HUNK: variants seen among roughly 807,000 people sequenced by gnomAD.
HUNK encodes hormonally up-regulated Neu-associated kinase, also known as hormonally up-regulated neu tumor-associated kinase.
A neutral mutation model predicts 61.0 loss-of-function variants in HUNK; 21 were observed. The ratio of observed to expected loss-of-function variants is 0.34; its 90% confidence interval spans 0.24 to 0.50. HUNK has a LOEUF of 0.50. Among genes scored for constraint, HUNK ranks in the 20% least tolerant of loss-of-function variants. HUNK has a pLI of 0.98. For missense variants in HUNK, 772 were observed against 945.7 expected (o/e 0.82, Z 2.41); for synonymous variants, 371 against 386.1 (o/e 0.96, Z 0.46).
intron 7 of HUNK, among the ~76,000 whole-genome samples, chr21:31,977,629 A>T (rs1106543): frequency 0.72 from 109,239 of 152,140 alleles, 40,196 homozygotes; most frequent in African/African-American, 0.88. Context: ...TCTTAAACAA[A>T]TACATAGCTC....
At chr21:31,897,644 G>A (rs142445115) in intron 1 of HUNK, among the ~76,000 whole-genome samples, 8 of 152,246 alleles carry the variant, frequency 5.3e-5, no homozygotes, top group Non-Finnish European at 1.0e-4. Flanking sequence ...CATCTTTTGC[G>A]GGGACAGAAT....
Position 31,895,960 on chromosome 21 carries a change from A to C in HUNK, c.261+22025A>C, listed in dbSNP as rs149801885. 3.3e-3 allele frequency among the ~76,000 whole-genome samples: 510 copies of C among 152,348 alleles called. 2 individuals carry two copies. Among genetic ancestry groups the C allele is most frequent in the African/African-American group, 0.012 (490 of 41,578 alleles). On this transcript the variant is annotated intron_variant, in intron 1 of 10. Transcript: ENST00000270112. ...AGATAGGATCATAAAGAGGTAACTA[A>C]GGCGAAATGAGGTTATCTGGATAGG...
At chr21:31,938,357 G>T (rs1011763458) in intron 2 of HUNK, among the ~76,000 whole-genome samples, 1 of 152,176 alleles carries the variant, frequency 6.6e-6, no homozygotes, top group African/African-American at 2.4e-5. Context: ...TAGCCTGCAA[G>T]GTTGGGGTTA....
rs1257599360 is a variant in HUNK at position 31,990,281 on chromosome 21, G to A, written c.1305+105G>A. ...TTGAGACTGAGATTTATTTTAAGGA[G>A]TTGGCTCACACAGTTTTGTGGGGGT... On this transcript the variant is annotated intron_variant, in intron 9 of 10. Transcript: ENST00000270112. The A allele has an allele frequency of 2.7e-6, 3 of 1,109,108 alleles. No individual in the cohort carries two copies. In the African/African-American group the frequency reaches 4.6e-5, roughly 17 times the overall value. 68.7% of individuals were successfully genotyped at this position (1,109,108 alleles called of 1,614,324 possible).
At chr21:31,900,451 A>T (rs1392866318) in intron 1 of HUNK, among the ~76,000 whole-genome samples, 1 of 150,782 alleles carries the variant, frequency 6.6e-6, no homozygotes, top group Non-Finnish European at 1.5e-5. Flanking sequence ...ACTGAAACAC[A>T]CACACACACA....
At chr21:31,968,227 A>G (rs770892765) in intron 5 of HUNK, 23 bp from the exon 6 acceptor site, 2 of 1,614,084 alleles carry the variant, frequency 1.2e-6, no homozygotes, top group South Asian at 1.1e-5. Flanking sequence ...ACATGCGTGC[A>G]TTCTTTCCCA....
chr21:31,885,876 A>C (rs562465668), intron 1 of HUNK, among the ~76,000 whole-genome samples: 1 of 152,274 alleles, frequency 6.6e-6, no homozygotes, highest in East Asian at 1.9e-4. Flanking sequence ...CTGGGATGAC[A>C]GGCACGCGCC....
In HUNK at chr21:32,003,913, T is replaced by C. The variant is rs532705026; in HGVS notation, c.*4729T>C. 1 of 152,304 alleles carries C rather than the reference T, an allele frequency of 6.6e-6. No individual in the cohort carries two copies. Among genetic ancestry groups the C allele is most frequent in the South Asian group, 2.1e-4 (1 of 4,826 alleles). The allele number at this position is 152,304 out of a possible 1,614,324, so 9.4% of individuals were successfully genotyped here. A position where few individuals can be genotyped will look rare whatever the true frequency, so the allele number is the denominator to read the frequency against. Reference sequence around the variant, plus strand: ...ATCTGAGCTGGTGGTGTTCCAATAATGAGGCATTTGGGGCAACCAATTTTG... The same window carrying C: ...ATCTGAGCTGGTGGTGTTCCAATAACGAGGCATTTGGGGCAACCAATTTTG... On this transcript the variant is annotated 3_prime_UTR_variant, in exon 11 of 11. Transcript: ENST00000270112.
chr21:31,889,319 C>T (rs373117356), intron 1 of HUNK, among the ~76,000 whole-genome samples: 27 of 152,260 alleles, frequency 1.8e-4, no homozygotes, highest in African/African-American at 6.5e-4. Flanking sequence ...GAAAAGGAAG[C>T]TTAGGGAAAG....
intron 10 of HUNK, among the ~76,000 whole-genome samples, chr21:31,996,840 C>T (rs899154195): frequency 5.3e-5 from 8 of 152,180 alleles, no homozygotes; most frequent in Non-Finnish European, 7.3e-5. Flanking sequence ...ATGCTGCTCC[C>T]GGAGAGAAGC....
intron 1 of HUNK, among the ~76,000 whole-genome samples, chr21:31,893,972 C>T (rs1008488225): frequency 2.0e-5 from 3 of 152,172 alleles, no homozygotes; most frequent in African/African-American, 7.2e-5. Flanking sequence ...GTCTTGGATT[C>T]TTATTGCCAA....
intron 2 of HUNK, among the ~76,000 whole-genome samples, chr21:31,938,573 T>C (rs2052747415): frequency 6.6e-6 from 1 of 152,262 alleles, no homozygotes; most frequent in Admixed American, 6.5e-5. Flanking sequence ...TGACGTAGTG[T>C]ATCAGTTGCC....
In HUNK at chr21:31,953,624, A is replaced by T. The variant is rs1042201909; in HGVS notation, c.747-5219A>T. Among the ~76,000 whole-genome samples the T allele has an allele frequency of 3.3e-5, 5 of 152,208 alleles. 1 individual carries two copies. In the South Asian group the frequency reaches 1.0e-3, roughly 32 times the overall value. ...GAAAGGTTTTTTGATGAAACAATAG[A>T]TCACAATTTATCAAGCTTAATTTAT... On this transcript the variant is annotated intron_variant, in intron 4 of 10. Coordinates refer to ENST00000270112, the MANE Select transcript of HUNK (RefSeq NM_014586.2).
chr21:31,909,664 G>A (rs1409693023), intron 1 of HUNK, among the ~76,000 whole-genome samples: 14 of 152,154 alleles, frequency 9.2e-5, no homozygotes, highest in Admixed American at 9.2e-4. Context: ...GCAATTAATG[G>A]GCCCCTGTAA....
chr21:31,874,162 G>C (rs1037716359), intron 1 of HUNK, among the ~76,000 whole-genome samples: 2 of 152,088 alleles, frequency 1.3e-5, no homozygotes, highest in Admixed American at 6.5e-5. Context: ...GGGAGGGGAC[G>C]GCCTTGCCCC....
chr21:31,947,749 A>G (rs2052819520), intron 4 of HUNK, among the ~76,000 whole-genome samples: 1 of 152,184 alleles, frequency 6.6e-6, no homozygotes, highest in South Asian at 2.1e-4. Flanking sequence ...CCTGTCAGTG[A>G]TGGTACAGGG....
At chr21:31,961,590 A>C (rs1375975784) in intron 5 of HUNK, among the ~76,000 whole-genome samples, 1 of 152,190 alleles carries the variant, frequency 6.6e-6, no homozygotes, top group African/African-American at 2.4e-5. Flanking sequence ...TTGTTCTGAT[A>C]GGGGTCTAAT....
intron 1 of HUNK, among the ~76,000 whole-genome samples, chr21:31,923,162 C>T (rs776631930): frequency 3.3e-5 from 5 of 152,150 alleles, no homozygotes; most frequent in African/African-American, 4.8e-5. Flanking sequence ...AGGAACAGGG[C>T]AGCCGGCGTG....
chr21:31,910,742 G>A (rs2052540462), intron 1 of HUNK, among the ~76,000 whole-genome samples: 1 of 152,174 alleles, frequency 6.6e-6, no homozygotes, highest in South Asian at 2.1e-4. Context: ...GCCTGCCTCT[G>A]CCTCCCAAAG....
Sources: gnomAD v4.1 joint callset for allele counts (sites outside exome capture counted in the v4.1 genomes callset) on GRCh38, gnomAD v4.1.1 for gene constraint, MANE v1.5 for transcripts, NCBI Gene and HGNC (gene_info 2026-07-23, HGNC 2026-07-21) for gene names.